Variants in CERS3 observed in about 807,000 individuals in gnomAD.
The protein encoded by CERS3 is LAG1 homolog, ceramide synthase 3.
Under a neutral mutation model 50.3 loss-of-function variants are expected in CERS3, and 33 were observed. The observed-to-expected ratio is 0.66, with a 90% CI of 0.50 to 0.88. CERS3 has a LOEUF of 0.88. Ranked by LOEUF, CERS3 falls within the 40% of genes least tolerant of loss-of-function variation. CERS3 has a pLI of 0.00. For missense variants in CERS3, 470 were observed against 460.3 expected, an observed-to-expected ratio of 1.02 and a Z score of -0.19; for synonymous variants, 176 against 155.2, an observed-to-expected ratio of 1.13 and a Z score of -0.99.
intron 5 of CERS3, among the ~76,000 whole-genome samples, chr15:100,484,052 A>G (rs2035411431): frequency 6.6e-6 from 1 of 151,878 alleles, no homozygotes; most frequent in Non-Finnish European, 1.5e-5. Flanking sequence ...TGCACCCTAC[A>G]GGAGGGCTGG....
intron 2 of CERS3, among the ~76,000 whole-genome samples, chr15:100,518,757 G>A (rs557709133): frequency 2.0e-5 from 3 of 152,340 alleles, no homozygotes; most frequent in Middle Eastern, 3.4e-3. Context: ...GATCAAACAT[G>A]TGGCAATGTG....
intron 2 of CERS3, among the ~76,000 whole-genome samples, chr15:100,505,951 T>C (rs2036164223): frequency 1.3e-5 from 2 of 152,154 alleles, no homozygotes; most frequent in African/African-American, 4.8e-5. Flanking sequence ...GAGGCAGAGG[T>C]TTCAGTGAGC....
intron 11 of CERS3, among the ~76,000 whole-genome samples, chr15:100,418,048 T>C (rs1044113477): frequency 6.6e-6 from 1 of 152,040 alleles, no homozygotes; most frequent in African/African-American, 2.4e-5. Context: ...AGGAATGCAG[T>C]TCCTCACCAG....
intron 1 of CERS3, among the ~76,000 whole-genome samples, chr15:100,538,122 A>G (rs1002141305): frequency 8.5e-5 from 13 of 152,172 alleles, no homozygotes; most frequent in Non-Finnish European, 1.5e-5. Context: ...CTGATGCAAG[A>G]GGTGGTTTCC....
intron 5 of CERS3, among the ~76,000 whole-genome samples, chr15:100,483,236 G>A (rs1047721358): frequency 3.3e-5 from 5 of 152,154 alleles, no homozygotes; most frequent in Non-Finnish European, 7.3e-5. Flanking sequence ...ACATGATGTT[G>A]TATCTGCTGG....
At chr15:100,468,266 A>G (rs868432614) in intron 10 of CERS3, among the ~76,000 whole-genome samples, 2 of 152,140 alleles carry the variant, frequency 1.3e-5, no homozygotes, top group African/African-American at 2.4e-5. Context: ...CCTTATTTCC[A>G]TTTTACATAT....
intron 11 of CERS3, among the ~76,000 whole-genome samples, chr15:100,404,080 G>A (rs753000309): frequency 2.6e-5 from 4 of 152,174 alleles, no homozygotes; most frequent in Admixed American, 1.3e-4. Context: ...CTGGAATGAT[G>A]CAGTTACAAG....
chr15:100,431,569 G>T (rs1207679107), intron 11 of CERS3, among the ~76,000 whole-genome samples: 1 of 152,186 alleles, frequency 6.6e-6, no homozygotes, highest in Non-Finnish European at 1.5e-5. Flanking sequence ...ATGTAGGGAA[G>T]AGTATAGTGA....
intron 3 of CERS3, among the ~76,000 whole-genome samples, chr15:100,500,772 G>A (rs1227779184): frequency 6.6e-6 from 1 of 152,128 alleles, no homozygotes; most frequent in African/African-American, 2.4e-5. Flanking sequence ...GTTGTTGTTT[G>A]TACAAAAACT....
At chr15:100,468,666 C>A (rs1163683115) in intron 10 of CERS3, among the ~76,000 whole-genome samples, 1 of 152,112 alleles carries the variant, frequency 6.6e-6, no homozygotes, top group East Asian at 1.9e-4. Flanking sequence ...CCTTCCAAAC[C>A]ATCTAAGTCT....
intron 11 of CERS3, among the ~76,000 whole-genome samples, chr15:100,413,444 G>A (rs1259465016): frequency 6.6e-6 from 1 of 151,886 alleles, no homozygotes; most frequent in Admixed American, 6.6e-5. Flanking sequence ...GGAAGAAACC[G>A]AATGTGATAG....
intron 11 of CERS3, among the ~76,000 whole-genome samples, chr15:100,412,008 T>C (rs1051485400): frequency 6.6e-6 from 1 of 152,234 alleles, no homozygotes; most frequent in African/African-American, 2.4e-5. Flanking sequence ...ACATTCAGTT[T>C]ATGAATCCCT....
At position 100,469,281 on chromosome 15, in the gene CERS3, AC is replaced by A. The variant is rs1222937595; in HGVS notation, c.845+96del. 5 of 774,764 alleles carry A rather than the reference AC, an allele frequency of 6.5e-6. No homozygotes were observed. In the Admixed American group the frequency reaches 6.7e-5, roughly 10 times the overall value. The allele number at this position is 774,764 out of a possible 1,614,324, so 48.0% of individuals were successfully genotyped here. On this transcript the variant is annotated intron_variant, in intron 10 of 11. Coordinates refer to ENST00000679737, the MANE Select transcript of CERS3 (RefSeq NM_001378789.1). The stretch of plus-strand genomic sequence containing the variant: ...CTGCACTTGACACAAATAACTGGAG[AC>A]CCACGTATGGAAAGGGCAATGCCCT...
At chr15:100,531,432 C>G (rs1375249797), upstream of CERS3, among the ~76,000 whole-genome samples, 1 of 152,018 alleles carries the variant, frequency 6.6e-6, no homozygotes, top group East Asian at 1.9e-4. Context: ...GAGTGAGGAA[C>G]TCGGAGGGTT....
chr15:100,537,611 C>G (rs72761210), intron 1 of CERS3, among the ~76,000 whole-genome samples: 7,814 of 152,204 alleles, frequency 0.051, 231 homozygotes, highest in Admixed American at 0.092. Flanking sequence ...ACCAGAACTC[C>G]TTCACTATCA....
At chr15:100,494,047 T>C (rs1389922735) in intron 3 of CERS3, among the ~76,000 whole-genome samples, 2 of 151,702 alleles carry the variant, frequency 1.3e-5, no homozygotes, top group Non-Finnish European at 2.9e-5. Context: ...TAGTGCATAA[T>C]TTTTTGTTTC....
At chr15:100,452,823 T>G (rs763592762) in intron 11 of CERS3, among the ~76,000 whole-genome samples, 3 of 151,960 alleles carry the variant, frequency 2.0e-5, no homozygotes, top group Admixed American at 6.5e-5. Context: ...CACATTACAA[T>G]TGATACCACA....
intron 10 of CERS3, among the ~76,000 whole-genome samples, chr15:100,467,007 C>T (rs1231430079): frequency 1.3e-5 from 2 of 151,744 alleles, no homozygotes; most frequent in African/African-American, 4.8e-5. Flanking sequence ...GCATGTGCCA[C>T]CACACCCGGC....
chr15:100,455,839 T>A, intron 11 of CERS3, 54 bp downstream of exon 11: 1 of 1,222,168 alleles, frequency 8.2e-7, no homozygotes, highest in South Asian at 1.7e-5. Flanking sequence ...AGTCCGGGCC[T>A]CACCATTAAC....
Sources: gnomAD v4.1 joint callset for allele counts (sites outside exome capture counted in the v4.1 genomes callset) on GRCh38, gnomAD v4.1.1 for gene constraint, MANE v1.5 for transcripts, NCBI Gene and HGNC (gene_info 2026-07-23, HGNC 2026-07-21) for gene names.